USP31: variants seen among roughly 807,000 people sequenced by gnomAD.
USP31 encodes ubiquitin specific peptidase 31, also known as ubiquitin carboxyl-terminal hydrolase 31.
USP31 carries 44 observed loss-of-function variants against 119.4 expected under a neutral mutation model. The observed-to-expected ratio is 0.37, with a 90% CI of 0.29 to 0.47. The LOEUF (loss-of-function observed/expected upper bound fraction) is 0.47. USP31 is among the 20% of genes least tolerant of loss of function. The pLI is 0.99. For missense variants in USP31, 1,643 were observed against 1,730.2 expected (o/e 0.95, Z 0.89); for synonymous variants, 749 against 705.6 (o/e 1.06, Z -0.97).
At chr16:23,132,027 G>A (rs1903045090) in intron 1 of USP31, among the ~76,000 whole-genome samples, 1 of 152,190 alleles carries the variant, frequency 6.6e-6, no homozygotes, top group Non-Finnish European at 1.5e-5. Flanking sequence ...GAACCCAACA[G>A]CTGGAGGGAA....
rs767161019 is a variant in USP31, at chr16:23,105,481, C to T, written c.1049G>A (p.Arg350Gln). 9.3e-6 allele frequency: 15 copies of T among 1,613,932 alleles called. No individual in the cohort carries two copies. Among genetic ancestry groups the T allele is most frequent in the Admixed American group, 1.7e-5 (1 of 59,996 alleles). The change falls in exon 5 of 16, where the codon CGG becomes CAG. Residue 350 changes from arginine (R) to glutamine (Q), a missense_variant. Physicochemically the swap from Arg to Gln is conservative, Grantham distance 43. Around this residue, in one of 5 missense-constraint regions of USP31, gnomAD observed 144 missense variants for 218.0 expected, o/e 0.66. Coordinates refer to ENST00000219689, the MANE Select transcript of USP31 (RefSeq NM_020718.4). ...VPLSGTVARL[R>Q]EAVSMETKIP... ...CTTTGTTTCCATAGACACTGCTTCC[C>T]GAAGTCTGGCGACAGTCCCAGACAG...
Position 23,071,556 on chromosome 16 carries a change from T to C in USP31, c.2488+489A>G, listed in dbSNP as rs914490948. ...CAACAACAGCTTTTGTTTTAGATGC[T>C]TCTGTACTAAAAAGAACATTCCACA... On this transcript the variant is annotated intron_variant, in intron 15 of 15. Coordinates refer to ENST00000219689, the MANE Select transcript of USP31 (RefSeq NM_020718.4). Among the ~76,000 whole-genome samples, 6 of 152,180 alleles carry C rather than the reference T, an allele frequency of 3.9e-5. 1 individual carries two copies. Among genetic ancestry groups the C allele is most frequent in the African/African-American group, 1.4e-4 (6 of 41,448 alleles).
At position 23,063,015 on chromosome 16, in the gene USP31, T is replaced by C. The variant is rs1364460515; in HGVS notation, c.*5031A>G. ...ACCCAGAAGCTTTTAAAATACATGG[T>C]AATTCCTGGATCCCACCCCTACATG... On this transcript the variant is annotated 3_prime_UTR_variant, in exon 16 of 16. Transcript: ENST00000219689. 1 of 152,540 alleles carries C rather than the reference T, an allele frequency of 6.6e-6. No individual in the cohort carries two copies. Among genetic ancestry groups the C allele is most frequent in the Non-Finnish European group, 1.5e-5 (1 of 68,050 alleles). The allele number at this position is 152,540 out of a possible 1,614,324, so 9.4% of individuals were successfully genotyped here.
intron 8 of USP31, 91 bp from the exon 9 acceptor site, chr16:23,087,277 G>A (rs1901152096): frequency 1.8e-6 from 2 of 1,136,126 alleles, no homozygotes; most frequent in African/African-American, 1.6e-5. Context: ...TAGAGTTACA[G>A]TAAACTGTTT....
intron 1 of USP31, 64 bp downstream of exon 1, chr16:23,148,573 AC>A: frequency 7.2e-7 from 1 of 1,397,664 alleles, no homozygotes; most frequent in Non-Finnish European, 9.2e-7. Context: ...GGGAAGGAAG[AC>A]CTGGGCGGGC....
chr16:23,136,075 G>A (rs1266347392), intron 1 of USP31, among the ~76,000 whole-genome samples: 1 of 152,112 alleles, frequency 6.6e-6, no homozygotes, highest in Non-Finnish European at 1.5e-5. Context: ...TTTTCAACAA[G>A]GGTACCAAGA....
chr16:23,089,717 G>A (rs901412426), intron 7 of USP31, among the ~76,000 whole-genome samples: 1 of 152,144 alleles, frequency 6.6e-6, no homozygotes, highest in Admixed American at 6.5e-5. Flanking sequence ...CTGTGACAGA[G>A]TTACTTTAAA....
chr16:23,129,898 T>C (rs574970630), intron 1 of USP31, among the ~76,000 whole-genome samples: 1 of 152,262 alleles, frequency 6.6e-6, no homozygotes, highest in African/African-American at 2.4e-5. Context: ...GAAAAAGCAC[T>C]ACAAGTGGGA....
intron 13 of USP31, among the ~76,000 whole-genome samples, chr16:23,078,761 C>G (rs1391488222): frequency 1.3e-5 from 2 of 152,134 alleles, no homozygotes; most frequent in African/African-American, 4.8e-5. Flanking sequence ...ACTTGAACAA[C>G]AACAACAAAA....
At chr16:23,103,538 G>A (rs967591247) in intron 5 of USP31, among the ~76,000 whole-genome samples, 3 of 152,188 alleles carry the variant, frequency 2.0e-5, no homozygotes, top group Non-Finnish European at 4.4e-5. Context: ...TAGTATTAAA[G>A]TCAGTAACCC....
Position 23,068,427 on chromosome 16 carries a change from C to T in USP31, c.3678G>A (p.Leu1226=). 1 of 1,613,746 alleles carries T rather than the reference C, an allele frequency of 6.2e-7. No individual in the cohort carries two copies. The highest frequency in any genetic ancestry group is 8.5e-7 in the Non-Finnish European group (1 of 1,180,038). The change falls in exon 16 of 16, where the codon CTG becomes CTA. Residue 1226 remains leucine (L), a synonymous_variant. Transcript: ENST00000219689. ...KRDSKSEDKG[L]SFFKSALRQK... The stretch of plus-strand genomic sequence containing the variant: ...GTCTCAAGGCTGATTTGAAGAAGGA[C>T]AGCCCCTTGTCCTCAGACTTGCTGT...
At position 23,080,102 on chromosome 16, in the gene USP31, G is replaced by A. The variant is rs749627711; in HGVS notation, c.2020C>T (p.His674Tyr). ...CTGCTCTGGCTCCTCTTAACCACGT[G>A]AGGTGTCATGTCCAGGCCAGTCAAG... ...FPLTGLDMTPHVVKRSQSSWS... is the reference protein window; with the variant it reads ...FPLTGLDMTPYVVKRSQSSWS... The change falls in exon 13 of 16, where the codon CAC (histidine) becomes TAC (tyrosine). Residue 674 changes from histidine to tyrosine, a missense_variant. Physicochemically the swap from His to Tyr is moderately conservative, Grantham distance 83 (BLOSUM62 2). Transcript: ENST00000219689. 79 of 1,611,806 alleles carry A rather than the reference G, an allele frequency of 4.9e-5. No individual in the cohort carries two copies. The highest frequency in any genetic ancestry group is 8.4e-5 in the Admixed American group (5 of 59,760).
Position 23,065,131 on chromosome 16 carries a change from A to C in USP31, c.*2915T>G, listed in dbSNP as rs894237455. Reference sequence around the variant, plus strand: ...ATGTTTACAAGAAATCAAGAATAAAACTTTAAAAAGCAAACAAACATTACA... The same window carrying C: ...ATGTTTACAAGAAATCAAGAATAAACCTTTAAAAAGCAAACAAACATTACA... On this transcript the variant is annotated 3_prime_UTR_variant, in exon 16 of 16. Coordinates refer to ENST00000219689, the MANE Select transcript of USP31 (RefSeq NM_020718.4). 1 of 152,100 alleles carries C rather than the reference A, an allele frequency of 6.6e-6. No individual in the cohort carries two copies. Among genetic ancestry groups the C allele is most frequent in the African/African-American group, 2.4e-5 (1 of 41,394 alleles). 9.4% of individuals were successfully genotyped at this position (152,100 alleles called of 1,614,324 possible).
chr16:23,084,052 G>C (rs1900978206), intron 11 of USP31, among the ~76,000 whole-genome samples: 2 of 152,070 alleles, frequency 1.3e-5, no homozygotes, highest in South Asian at 2.1e-4. Context: ...AAATTAAGCA[G>C]AAGAAGAACC....
At position 23,149,225 on chromosome 16, in the gene USP31, TCGCCGC is replaced by T; in HGVS notation, c.40_45del (p.Ala14_Ala15del). The T allele has an allele frequency of 8.8e-7, 1 of 1,131,896 alleles. No homozygotes were observed. The highest frequency in any genetic ancestry group is 1.1e-6 in the Non-Finnish European group (1 of 921,952). 70.1% of individuals were successfully genotyped at this position (1,131,896 alleles called of 1,614,324 possible). A position where few individuals can be genotyped will look rare whatever the true frequency, so the allele number is the denominator to read the frequency against. On this transcript the variant is annotated inframe_deletion, in exon 1 of 16. Transcript: ENST00000219689. ...CTGAAGGAGCGCTTCTCCTTCCCGCTCGCCGCCGCCGGCGGCCCGGACCCAGGCGCC... is the reference window on the plus strand; with the variant it reads ...CTGAAGGAGCGCTTCTCCTTCCCGCTCGCCGGCGGCCCGGACCCAGGCGCC...
chr16:23,148,561 G>A (rs1190461372), intron 1 of USP31, 77 bp downstream of exon 1: 1 of 1,385,924 alleles, frequency 7.2e-7, no homozygotes, highest in Non-Finnish European at 9.3e-7. Context: ...AAGAGGAACC[G>A]AGGGAAGGAA....
In USP31 at chr16:23,068,085, G is replaced by C. The variant is rs1900156349; in HGVS notation, c.4020C>G (p.Ser1340Arg). 6.2e-7 allele frequency: 1 copy of C among 1,614,182 alleles called. No individual in the cohort carries two copies. Among genetic ancestry groups the C allele is most frequent in the Non-Finnish European group, 8.5e-7 (1 of 1,180,022 alleles). The change falls in exon 16 of 16, where the codon AGC becomes AGG. Residue 1340 changes from serine to arginine, a missense_variant. Physicochemically the swap from Ser to Arg is moderately radical, Grantham distance 110. This residue lies in a region of USP31 where 699 missense variants were observed against 650.9 expected (regional missense o/e 1.07). Transcript: ENST00000219689. Reference sequence around the variant, plus strand: ...GAGAAGGCCGTGCAGAGGTTTGCATGCTAGAAGATAACTTTTTTGAGGATT... The same window carrying C: ...GAGAAGGCCGTGCAGAGGTTTGCATCCTAGAAGATAACTTTTTTGAGGATT... ...AEKSSKKLSS[S>R]MQTSARPSQK... is the part of the protein sequence containing the mutation.
chr16:23,142,605 C>A (rs1567250038), intron 1 of USP31, among the ~76,000 whole-genome samples: 1 of 152,134 alleles, frequency 6.6e-6, no homozygotes, highest in Non-Finnish European at 1.5e-5. Flanking sequence ...TGGTTCTGCT[C>A]CCTCAACCTC....
chr16:23,140,864 C>A (rs1355331166), intron 1 of USP31, among the ~76,000 whole-genome samples: 1 of 152,160 alleles, frequency 6.6e-6, no homozygotes, highest in East Asian at 1.9e-4. Flanking sequence ...GTTCTCTGCT[C>A]CAGTGTCTTG....
Sources: allele counts gnomAD v4.1 joint callset (sites outside exome capture counted in the v4.1 genomes callset), GRCh38; gene constraint gnomAD v4.1.1; regional missense constraint gnomAD v4.1.1; transcripts MANE v1.5; gene names NCBI Gene and HGNC (gene_info 2026-07-23, HGNC 2026-07-21).